AMD1: variants seen among roughly 807,000 people sequenced by gnomAD.
The protein encoded by AMD1 is S-adenosylmethionine decarboxylase proenzyme.
Under a neutral mutation model 40.2 loss-of-function variants are expected in AMD1, and 11 were observed. That is an observed-to-expected ratio of 0.27 (90% CI 0.17 to 0.45). The LOEUF is 0.45. AMD1 is among the 20% of genes least tolerant of loss of function. The pLI is 1.00. For missense variants in AMD1, 257 were observed against 410.2 expected (o/e 0.63, Z 3.23); for synonymous variants, 121 against 130.8 (o/e 0.93, Z 0.51).
At chr6:110,823,095 A>G in the AMD1 span, among the ~76,000 whole-genome samples, 1 of 152,214 alleles carries the variant, frequency 6.6e-6, no homozygotes, top group Non-Finnish European at 1.5e-5. Context: ...AGCCTGGGCA[A>G]CAAAAGCAAA....
intron 1 of AMD1, among the ~76,000 whole-genome samples, chr6:110,884,959 T>A (rs12198198): frequency 0.037 from 5,618 of 152,328 alleles, 131 homozygotes; most frequent in Middle Eastern, 0.071. Flanking sequence ...ATAAGCTCTT[T>A]AAAAATCTGA....
intron 1 of AMD1, 110 bp downstream of exon 1, chr6:110,875,325 T>G (rs1785035648): frequency 1.1e-6 from 1 of 914,446 alleles, no homozygotes; most frequent in Admixed American, 2.2e-5. Context: ...TGGGGGCAAG[T>G]CTGCGGCCTG....
At chr6:110,826,976 G>A in the AMD1 span, among the ~76,000 whole-genome samples, 1 of 152,096 alleles carries the variant, frequency 6.6e-6, no homozygotes, top group Non-Finnish European at 1.5e-5. Context: ...ACAGGCCTGA[G>A]CCACTGCACC....
the AMD1 span, among the ~76,000 whole-genome samples, chr6:110,863,562 G>T: frequency 9.9e-5 from 15 of 151,170 alleles, no homozygotes; most frequent in African/African-American, 3.6e-4. Context: ...TAGAGACGGG[G>T]TTTCACCATA....
rs1786245278 is a variant in AMD1 at position 110,895,376 on chromosome 6, C to T, written c.*1760C>T. 1 of 152,114 alleles carries T rather than the reference C, an allele frequency of 6.6e-6. No homozygotes were observed. The highest frequency in any genetic ancestry group is 2.1e-4 in the South Asian group (1 of 4,830). 9.4% of individuals were successfully genotyped at this position (152,114 alleles called of 1,614,324 possible). On this transcript the variant is annotated 3_prime_UTR_variant, in exon 9 of 9. Transcript: ENST00000368885. ...TTTTGAGGAGCTCTGTTTTGAGGAC[C>T]AATGCTTAAGGTGGACTTTGTTCGT...
intron 1 of AMD1, among the ~76,000 whole-genome samples, chr6:110,884,401 A>C (rs915485758): frequency 6.6e-6 from 1 of 152,240 alleles, no homozygotes; most frequent in African/African-American, 2.4e-5. Flanking sequence ...GACATGGACC[A>C]AGACTTTAAA....
chr6:110,862,563 T>C, the AMD1 span, among the ~76,000 whole-genome samples: 1 of 151,408 alleles, frequency 6.6e-6, no homozygotes, highest in Non-Finnish European at 1.5e-5. Context: ...ACCTCCTGGG[T>C]TCAAGCAATT....
chr6:110,870,514 G>A (rs995954543), upstream of AMD1, among the ~76,000 whole-genome samples: 2 of 152,124 alleles, frequency 1.3e-5, no homozygotes, highest in Admixed American at 6.5e-5. Flanking sequence ...TCCCAGCTAC[G>A]TGGGAGGCTG....
At chr6:110,829,307 G>A in the AMD1 span, among the ~76,000 whole-genome samples, 1 of 151,596 alleles carries the variant, frequency 6.6e-6, no homozygotes, top group Admixed American at 6.6e-5. Flanking sequence ...TGAGGCAGGC[G>A]GATCCCTTGA....
At chr6:110,886,833 G>A (rs1416582645) in intron 1 of AMD1, among the ~76,000 whole-genome samples, 3 of 152,162 alleles carry the variant, frequency 2.0e-5, no homozygotes, top group East Asian at 3.9e-4. Flanking sequence ...TTTATAATGG[G>A]CACACTAATG....
chr6:110,876,470 CAA>C (rs1291048177), intron 1 of AMD1, among the ~76,000 whole-genome samples: 1 of 152,216 alleles, frequency 6.6e-6, no homozygotes, highest in East Asian at 1.9e-4. Context: ...TGTCCCTTGA[CAA>C]AAAGCAACTG....
chr6:110,832,793 T>C, the AMD1 span, among the ~76,000 whole-genome samples: 1 of 152,158 alleles, frequency 6.6e-6, no homozygotes, highest in East Asian at 1.9e-4. Context: ...ACACAGGAAA[T>C]GTTTGTTCCA....
the AMD1 span, among the ~76,000 whole-genome samples, chr6:110,834,653 GCATCCAC>G: frequency 2.0e-5 from 3 of 151,844 alleles, no homozygotes; most frequent in African/African-American, 7.3e-5. Context: ...TGAGATCCCT[GCATCCAC>G]CAAAAAAAAA....
In AMD1 at chr6:110,874,836, A is replaced by C; in HGVS notation, c.-270A>C. 1 of 383,918 alleles carries C rather than the reference A, an allele frequency of 2.6e-6. No individual in the cohort carries two copies. The highest frequency in any genetic ancestry group is 4.8e-6 in the Non-Finnish European group (1 of 210,124). 23.8% of individuals were successfully genotyped at this position (383,918 alleles called of 1,614,324 possible). A position where few individuals can be genotyped will look rare whatever the true frequency, so the allele number is the denominator to read the frequency against. On this transcript the variant is annotated 5_prime_UTR_variant, in exon 1 of 9. Transcript: ENST00000368885. ...AGCTAGCGCTCGCTCTACTCTCTCT[A>C]ACGGGAAAGCAGCGGAATACAAGAG... is the stretch of plus-strand genomic sequence containing the variant.
chr6:110,823,402 A>C, the AMD1 span, among the ~76,000 whole-genome samples: 2 of 152,226 alleles, frequency 1.3e-5, no homozygotes, highest in Non-Finnish European at 2.9e-5. Context: ...AAAGGAATGA[A>C]AGGCATCCGA....
Position 110,885,743 on chromosome 6 carries a change from C to T in AMD1, c.111-1762C>T, listed in dbSNP as rs140640929. ...TGCTTAGTCATGTTATAGTCTAATA[C>T]AGGAACTCAGCTCTGTAATCATTAG... On this transcript the variant is annotated intron_variant, in intron 1 of 8. Coordinates refer to ENST00000368885, the MANE Select transcript of AMD1 (RefSeq NM_001634.6). 3.0e-4 allele frequency among the ~76,000 whole-genome samples: 45 copies of T among 152,270 alleles called. No individual in the cohort carries two copies. In the East Asian group the frequency reaches 8.5e-3, roughly 29 times the overall value.
intron 1 of AMD1, among the ~76,000 whole-genome samples, chr6:110,885,339 C>T (rs1304379487): frequency 2.0e-5 from 3 of 152,178 alleles, no homozygotes; most frequent in African/African-American, 7.2e-5. Context: ...TCTCAAACTC[C>T]TGACCTCAGG....
the AMD1 span, among the ~76,000 whole-genome samples, chr6:110,851,429 GT>G: frequency 6.6e-6 from 1 of 151,616 alleles, no homozygotes; most frequent in East Asian, 1.9e-4. Flanking sequence ...AAGTTGTGGG[GT>G]TTTTTGTTTG....
chr6:110,815,289 T>G, the AMD1 span: 1 of 830,278 alleles, frequency 1.2e-6, no homozygotes, highest in South Asian at 2.8e-5. Flanking sequence ...GCGGTCCGCC[T>G]TCAGCAAGGG....
Sources: allele counts gnomAD v4.1 joint callset (sites outside exome capture counted in the v4.1 genomes callset), GRCh38; gene constraint gnomAD v4.1.1; transcripts MANE v1.5; gene names NCBI Gene and HGNC (gene_info 2026-07-23, HGNC 2026-07-21).